GALNT17: variants seen among roughly 807,000 people sequenced by gnomAD.
GALNT17 encodes polypeptide N-acetylgalactosaminyltransferase 17, also known as UDP-GalNAc:polypeptide N-acetylgalactosaminyltransferase-like 3.
A neutral mutation model predicts 63.7 loss-of-function variants in GALNT17; 29 were observed. The ratio of observed to expected loss-of-function variants is 0.46; its 90% CI spans 0.34 to 0.62. GALNT17 has a LOEUF of 0.62. Among genes scored for constraint, GALNT17 ranks in the 20% least tolerant of loss-of-function variants. The pLI is 0.01. For missense variants in GALNT17, 603 were observed against 799.6 expected, an observed-to-expected ratio of 0.75 and a Z score of 2.97; for synonymous variants, 305 against 318.3, an observed-to-expected ratio of 0.96 and a Z score of 0.45.
At position 71,431,710 on chromosome 7, in the gene GALNT17, T is replaced by C. The variant is rs192493704; in HGVS notation, c.962+10605T>C. Reference sequence around the variant, plus strand: ...GACCTTGCCAGCTGGAGGAGATTTTTACCGGCTGAGTATATGCAAGATAAC... The same window carrying C: ...GACCTTGCCAGCTGGAGGAGATTTTCACCGGCTGAGTATATGCAAGATAAC... On this transcript the variant is annotated intron_variant, in intron 5 of 10. Coordinates refer to ENST00000333538, the MANE Select transcript of GALNT17 (RefSeq NM_022479.3). 2.5e-4 allele frequency among the ~76,000 whole-genome samples: 38 copies of C among 152,256 alleles called. 4 individuals carry two copies. In the East Asian group the frequency reaches 2.9e-3, roughly 12 times the overall value.
chr7:71,647,445 C>G (rs938498407), intron 6 of GALNT17, among the ~76,000 whole-genome samples: 4 of 152,228 alleles, frequency 2.6e-5, no homozygotes, highest in African/African-American at 9.6e-5. Flanking sequence ...GTTCCTCCTG[C>G]TCCTACAGGA....
intron 3 of GALNT17, among the ~76,000 whole-genome samples, chr7:71,412,949 A>G (rs906195992): frequency 2.0e-5 from 3 of 152,188 alleles, no homozygotes; most frequent in African/African-American, 7.2e-5. Context: ...AGGCTGAGGC[A>G]GGAGAACTGT....
chr7:71,491,895 A>G (rs1788014731), intron 5 of GALNT17, among the ~76,000 whole-genome samples: 1 of 152,100 alleles, frequency 6.6e-6, no homozygotes, highest in Admixed American at 6.6e-5. Flanking sequence ...AGTGGCTCAC[A>G]CCTGTAATCC....
At chr7:71,457,839 TCTGGGAA>T (rs1787382191) in intron 5 of GALNT17, among the ~76,000 whole-genome samples, 1 of 152,234 alleles carries the variant, frequency 6.6e-6, no homozygotes, top group African/African-American at 2.4e-5. Flanking sequence ...GCCTTAACTG[TCTGGGAA>T]TCCAGCCCAG....
chr7:71,326,296 A>C (rs947973276), intron 1 of GALNT17, among the ~76,000 whole-genome samples: 4 of 152,156 alleles, frequency 2.6e-5, no homozygotes, highest in Admixed American at 2.6e-4. Flanking sequence ...CATCTCTACA[A>C]AAGTTAAGAA....
chr7:71,426,687 G>T (rs138850852), intron 5 of GALNT17, among the ~76,000 whole-genome samples: 6,808 of 152,136 alleles, frequency 0.045, 544 homozygotes, highest in African/African-American at 0.16. Flanking sequence ...TTGGGAGGCC[G>T]AGGTGGGCTG....
Position 71,173,425 on chromosome 7 carries a change from A to G in GALNT17, c.238+40385A>G, listed in dbSNP as rs139379271. On this transcript the variant is annotated intron_variant, in intron 1 of 10. Coordinates refer to ENST00000333538, the MANE Select transcript of GALNT17 (RefSeq NM_022479.3). Reference sequence around the variant, plus strand: ...AGGAGAAAGTATTAGTTTACTTATGACTTTTAATATTAGTTTAGTGGTGAT... The same window carrying G: ...AGGAGAAAGTATTAGTTTACTTATGGCTTTTAATATTAGTTTAGTGGTGAT... Among the ~76,000 whole-genome samples the G allele has an allele frequency of 2.6e-3, 392 of 152,238 alleles. 2 individuals are homozygous for G. Among genetic ancestry groups the G allele is most frequent in the African/African-American group, 9.2e-3 (384 of 41,540 alleles).
chr7:71,319,122 C>CTTTCTTTCTTTCTTTCTTTCTTTCTTTCT (rs1241022535), intron 1 of GALNT17, among the ~76,000 whole-genome samples: 6 of 151,398 alleles, frequency 4.0e-5, no homozygotes, highest in Admixed American at 1.3e-4. Context: ...TTCTTTCTTT[C>CTTTCTTTCTTTCTTTCTTTCTTTCTTTCT]TTTTTTTTGT....
At chr7:71,143,237 C>T (rs1787949689) in intron 1 of GALNT17, among the ~76,000 whole-genome samples, 1 of 151,786 alleles carries the variant, frequency 6.6e-6, no homozygotes, top group Non-Finnish European at 1.5e-5. Flanking sequence ...GCCTGGCCAA[C>T]ACAGCGAAAC....
intron 1 of GALNT17, among the ~76,000 whole-genome samples, chr7:71,272,947 A>G (rs1790618890): frequency 6.6e-6 from 1 of 152,150 alleles, no homozygotes; most frequent in Non-Finnish European, 1.5e-5. Context: ...GAAAGTTGAA[A>G]TGTTCAATTC....
At chr7:71,463,011 A>T (rs1787476859) in intron 5 of GALNT17, among the ~76,000 whole-genome samples, 1 of 152,170 alleles carries the variant, frequency 6.6e-6, no homozygotes, top group African/African-American at 2.4e-5. Context: ...GAACAAGTAG[A>T]TGGGAGGAAA....
intron 5 of GALNT17, among the ~76,000 whole-genome samples, chr7:71,541,867 T>G (rs1259409276): frequency 6.6e-6 from 1 of 152,210 alleles, no homozygotes; most frequent in Non-Finnish European, 1.5e-5. Context: ...GCACATCGTG[T>G]CTTTCTGAAT....
chr7:71,578,528 A>G (rs1394053960), intron 6 of GALNT17, among the ~76,000 whole-genome samples: 1 of 151,822 alleles, frequency 6.6e-6, no homozygotes, highest in Non-Finnish European at 1.5e-5. Context: ...TTTTGTAGAG[A>G]TGGGGGTCTC....
chr7:71,472,921 G>A (rs900722079), intron 5 of GALNT17, among the ~76,000 whole-genome samples: 1 of 152,116 alleles, frequency 6.6e-6, no homozygotes, highest in South Asian at 2.1e-4. Flanking sequence ...ACCATAACCT[G>A]GGGAATGAGA....
At chr7:71,303,565 C>CA (rs1358233437) in intron 1 of GALNT17, among the ~76,000 whole-genome samples, 1 of 152,094 alleles carries the variant, frequency 6.6e-6, no homozygotes, top group East Asian at 1.9e-4. Flanking sequence ...TCAAATACAA[C>CA]ATTTTTCTGA....
At chr7:71,242,790 GTC>G (rs1282580117) in intron 1 of GALNT17, among the ~76,000 whole-genome samples, 2 of 152,166 alleles carry the variant, frequency 1.3e-5, no homozygotes, top group Non-Finnish European at 2.9e-5. Flanking sequence ...GTCATTTTAG[GTC>G]TCTGTCACAA....
chr7:71,434,888 AAAAC>A (rs1196455889), intron 5 of GALNT17, among the ~76,000 whole-genome samples: 3 of 152,340 alleles, frequency 2.0e-5, no homozygotes, highest in South Asian at 2.1e-4. Flanking sequence ...TAGATGGTAA[AAAAC>A]AAACAAACAA....
In GALNT17 at chr7:71,677,201, A is replaced by G. The variant is rs139073958; in HGVS notation, c.1405-10A>G. The G allele has an allele frequency of 1.9e-6, 3 of 1,613,790 alleles. No homozygotes were observed. Among genetic ancestry groups the G allele is most frequent in the South Asian group, 1.1e-5 (1 of 91,080 alleles). On this transcript the variant is annotated splice_polypyrimidine_tract_variant and intron_variant, in intron 8 of 10. Transcript: ENST00000333538. ...AGCTCTCATGGGTCGTGTTTTGTCT[A>G]TTCTTGCAGCTTCGCAACAACAAGG...
intron 9 of GALNT17, among the ~76,000 whole-genome samples, chr7:71,702,141 G>A (rs1245889558): frequency 1.3e-5 from 2 of 151,940 alleles, no homozygotes; most frequent in East Asian, 1.9e-4. Context: ...TAGAGAGAGA[G>A]GGAGGAGGGT....
Sources: allele counts gnomAD v4.1 joint callset (sites outside exome capture counted in the v4.1 genomes callset), GRCh38; gene constraint gnomAD v4.1.1; transcripts MANE v1.5; gene names NCBI Gene and HGNC (gene_info 2026-07-23, HGNC 2026-07-21).